The following FBXW7 variants were observed in gnomAD, a reference collection of about 807,000 sequenced individuals.
FBXW7 encodes the protein F-box and WD repeat domain containing 7, also known as F-box/WD repeat-containing protein 7.
A neutral mutation model predicts 86.3 loss-of-function variants in FBXW7; 11 were observed. The observed-to-expected ratio is 0.13, with a 90% confidence interval of 0.08 to 0.21. The LOEUF (loss-of-function observed/expected upper bound fraction) is 0.21, where lower values mean the gene tolerates loss of function less well. Among genes scored for constraint, FBXW7 ranks in the 10% least tolerant of loss-of-function variants. The pLI, the probability that FBXW7 is intolerant of heterozygous loss-of-function variation, is 1.00. For missense variants in FBXW7, 488 were observed against 847.4 expected (o/e 0.58, Z 5.27); for synonymous variants, 313 against 297.9 (o/e 1.05, Z -0.52).
At chr4:152,439,865 C>T (rs80137331) in intron 2 of FBXW7, among the ~76,000 whole-genome samples, 1 of 57,158 alleles carries the variant, frequency 1.7e-5, no homozygotes, top group Non-Finnish European at 4.1e-5. Context: ...GACTCCGTCA[C>T]AAAAAAAAAA....
At chr4:152,403,315 T>C (rs767518466) in intron 4 of FBXW7, among the ~76,000 whole-genome samples, 2 of 151,896 alleles carry the variant, frequency 1.3e-5, no homozygotes, top group Non-Finnish European at 2.9e-5. Context: ...CTGTCTCTAC[T>C]AAAAATACAA....
chr4:152,513,221 AT>A (rs1748147472), intron 2 of FBXW7, among the ~76,000 whole-genome samples: 1 of 152,196 alleles, frequency 6.6e-6, no homozygotes, highest in African/African-American at 2.4e-5. Context: ...TGAATTGAGT[AT>A]TTAATAGAGT....
rs907793192 is a variant in FBXW7 at position 152,367,566 on chromosome 4, G to A, written c.502-17442C>T. ...TTTTAATTATACTTCATTCACTTTGGTTTTGTGAATATGCAAAATATGCAA... is the reference window on the plus strand; with the variant it reads ...TTTTAATTATACTTCATTCACTTTGATTTTGTGAATATGCAAAATATGCAA... On this transcript the variant is annotated intron_variant, in intron 4 of 13. Coordinates refer to ENST00000281708, the MANE Select transcript of FBXW7 (RefSeq NM_001349798.2). 9.9e-5 allele frequency among the ~76,000 whole-genome samples: 15 copies of A among 152,088 alleles called. No individual in the cohort carries two copies. The South Asian group carries it at 3.1e-3, about 32-fold the overall frequency.
intron 2 of FBXW7, among the ~76,000 whole-genome samples, chr4:152,468,991 C>A (rs933061729): frequency 1.3e-5 from 2 of 152,026 alleles, no homozygotes; most frequent in Admixed American, 1.3e-4. Flanking sequence ...TACAAATTTA[C>A]AGTAAACAGA....
intron 4 of FBXW7, among the ~76,000 whole-genome samples, chr4:152,366,002 C>T (rs544308592): frequency 6.6e-6 from 1 of 152,166 alleles, no homozygotes; most frequent in East Asian, 1.9e-4. Flanking sequence ...AGATAATTAG[C>T]CACACAAGAC....
chr4:152,494,955 C>G (rs992249003), intron 2 of FBXW7, among the ~76,000 whole-genome samples: 28 of 152,160 alleles, frequency 1.8e-4, no homozygotes, highest in Non-Finnish European at 2.1e-4. Context: ...CTCTCTTAAA[C>G]TAATTGTAGG....
chr4:152,488,605 T>G (rs2149681052), intron 2 of FBXW7, among the ~76,000 whole-genome samples: 2 of 152,238 alleles, frequency 1.3e-5, no homozygotes, highest in Admixed American at 6.5e-5. Flanking sequence ...CTTTAATAAC[T>G]AAAACACTAT....
chr4:152,467,879 C>G (rs188674221), intron 2 of FBXW7, among the ~76,000 whole-genome samples: 4 of 152,114 alleles, frequency 2.6e-5, no homozygotes, highest in Non-Finnish European at 1.5e-5. Flanking sequence ...AAGAGATAAT[C>G]CATAGGAGAA....
At chr4:152,459,000 A>G (rs1193498043) in intron 2 of FBXW7, among the ~76,000 whole-genome samples, 1 of 152,158 alleles carries the variant, frequency 6.6e-6, no homozygotes, top group African/African-American at 2.4e-5. Context: ...CTGTTCCCCA[A>G]CTGATATAAC....
chr4:152,393,468 T>C (rs759286040), intron 4 of FBXW7, among the ~76,000 whole-genome samples: 2 of 152,086 alleles, frequency 1.3e-5, no homozygotes, highest in Non-Finnish European at 2.9e-5. Context: ...AAAATGATAA[T>C]GATGAATAAA....
chr4:152,411,222 A>G lies in FBXW7; in HGVS notation c.501+81T>C. 5 of 1,445,674 alleles carry G rather than the reference A, an allele frequency of 3.5e-6. No individual in the cohort carries two copies. The South Asian group carries it at 4.7e-5, about 14-fold the overall frequency. 89.6% of individuals were successfully genotyped at this position (1,445,674 alleles called of 1,614,324 possible). A position where few individuals can be genotyped will look rare whatever the true frequency, so the allele number is the denominator to read the frequency against. On this transcript the variant is annotated intron_variant, in intron 4 of 13. Transcript: ENST00000281708. ...TCTTAAGATTAATTTTTAGTAATAC[A>G]AAGACTGTGAGGAAAGTTTCATTAC...
In FBXW7 at chr4:152,322,392, T is replaced by C. The variant is rs1163629512; in HGVS notation, c.*489A>G. 4.3e-6 allele frequency: 1 copy of C among 234,926 alleles called. No individual in the cohort carries two copies. Among genetic ancestry groups the C allele is most frequent in the African/African-American group, 2.2e-5 (1 of 45,318 alleles). The allele number at this position is 234,926 out of a possible 1,614,324, so 14.6% of individuals were successfully genotyped here. ...ACAATTCACAGTAATTTTTTTAAGC[T>C]TTTCCACTCCAGAAAAATGACTTTT... On this transcript the variant is annotated 3_prime_UTR_variant, in exon 14 of 14. Coordinates refer to ENST00000281708, the MANE Select transcript of FBXW7 (RefSeq NM_001349798.2).
chr4:152,429,469 T>TA (rs760909536), intron 2 of FBXW7, among the ~76,000 whole-genome samples: 10 of 152,080 alleles, frequency 6.6e-5, no homozygotes, highest in Non-Finnish European at 1.0e-4. Context: ...GAGAGAGTTG[T>TA]AGTTATCTCA....
chr4:152,405,911 G>A (rs971612301), intron 4 of FBXW7, among the ~76,000 whole-genome samples: 11 of 152,170 alleles, frequency 7.2e-5, no homozygotes, highest in African/African-American at 2.7e-4. Flanking sequence ...AGTTTTCAGT[G>A]GACCACTCAG....
intron 2 of FBXW7, among the ~76,000 whole-genome samples, chr4:152,486,188 T>C (rs1256760818): frequency 6.6e-6 from 1 of 152,134 alleles, no homozygotes; most frequent in Admixed American, 6.6e-5. Flanking sequence ...TGGAAGCTGC[T>C]CTGGGTGAGT....
At chr4:152,385,610 C>T (rs1735459940) in intron 4 of FBXW7, among the ~76,000 whole-genome samples, 1 of 151,996 alleles carries the variant, frequency 6.6e-6, no homozygotes, top group African/African-American at 2.4e-5. Context: ...TTTTCATTTT[C>T]ATGAAATAAT....
chr4:152,326,643 G>T (rs1729049501), intron 11 of FBXW7, among the ~76,000 whole-genome samples: 1 of 152,026 alleles, frequency 6.6e-6, no homozygotes, highest in Non-Finnish European at 1.5e-5. Flanking sequence ...AACTCTAGGT[G>T]GTAGTGGTTT....
intron 2 of FBXW7, among the ~76,000 whole-genome samples, chr4:152,469,125 A>C (rs1241772505): frequency 6.6e-6 from 1 of 152,100 alleles, no homozygotes; most frequent in Non-Finnish European, 1.5e-5. Flanking sequence ...GCCAATGCTT[A>C]TCACTAAATA....
intron 2 of FBXW7, among the ~76,000 whole-genome samples, chr4:152,488,940 G>A (rs1262918719): frequency 1.3e-5 from 2 of 151,978 alleles, no homozygotes; most frequent in African/African-American, 4.8e-5. Flanking sequence ...AGTAAGCCAG[G>A]TATCTGTAAA....
Sources: allele counts gnomAD v4.1 joint callset (sites outside exome capture counted in the v4.1 genomes callset), GRCh38; gene constraint gnomAD v4.1.1; transcripts MANE v1.5; gene names NCBI Gene and HGNC (gene_info 2026-07-23, HGNC 2026-07-21).